The following WIPF3 variants were observed in gnomAD, a reference collection of about 807,000 sequenced individuals.
WIPF3 encodes the protein WAS/WASL-interacting protein family member 3.
A neutral mutation model predicts 38.9 loss-of-function variants in WIPF3; 33 were observed. That is an observed-to-expected ratio of 0.85 (90% CI 0.64 to 1.14). The LOEUF (loss-of-function observed/expected upper bound fraction) is 1.14. Ranked by LOEUF, WIPF3 falls within the 50% of genes most tolerant of loss-of-function variation. The probability of loss-of-function intolerance (pLI) is 0.00; values close to 1 mark genes in which losing one functional copy is unlikely to be tolerated. For synonymous variants in WIPF3, 324 were observed against 269.3 expected (o/e 1.20, Z -1.99); for missense variants, 711 against 652.5 (o/e 1.09, Z -0.98).
At chr7:29,815,035 A>G (rs1016281931) in intron 1 of WIPF3, among the ~76,000 whole-genome samples, 2 of 152,164 alleles carry the variant, frequency 1.3e-5, no homozygotes, top group African/African-American at 2.4e-5. Flanking sequence ...TAAGTCTCCG[A>G]TGTCCCTTAA....
Position 29,823,774 on chromosome 7 carries a change from T to C in WIPF3, c.-57-10894T>C, listed in dbSNP as rs1784575859. ...GTTGCTCTTGTGATGTTGAGTGAGT[T>C]CTCACGAGATCTGATTGTTTAAAAG... On this transcript the variant is annotated intron_variant, in intron 1 of 8. Transcript: ENST00000242140. The surrounding 1 kb of genome is among the most constrained non-coding windows in gnomAD (Gnocchi z 4.0). 1.3e-5 allele frequency among the ~76,000 whole-genome samples: 2 copies of C among 152,112 alleles called. No individual in the cohort carries two copies. Among genetic ancestry groups the C allele is most frequent in the Admixed American group, 1.3e-4 (2 of 15,268 alleles).
chr7:29,868,947 T>C (rs1785441400), intron 2 of WIPF3, among the ~76,000 whole-genome samples: 1 of 152,154 alleles, frequency 6.6e-6, no homozygotes, highest in Non-Finnish European at 1.5e-5. Context: ...ATGCAGAGAA[T>C]GTGCACACAC....
intron 7 of WIPF3, among the ~76,000 whole-genome samples, chr7:29,891,264 A>G (rs1430359681): frequency 2.0e-4 from 20 of 100,898 alleles, no homozygotes; most frequent in South Asian, 3.6e-4. Context: ...GCTCAGGTGG[A>G]GGGGGCGAGG....
At chr7:29,898,146 A>G (rs1282156149) in intron 7 of WIPF3, among the ~76,000 whole-genome samples, 2 of 152,158 alleles carry the variant, frequency 1.3e-5, no homozygotes, top group African/African-American at 4.8e-5. Flanking sequence ...CAGAGGCTCT[A>G]GCCTCAGCCC....
At position 29,888,189 on chromosome 7, in the gene WIPF3, A is replaced by G. The variant is rs766409168; in HGVS notation, c.1221A>G (p.Gln407=). 18 of 1,611,904 alleles carry G rather than the reference A, an allele frequency of 1.1e-5. No individual in the cohort carries two copies. In the South Asian group the frequency reaches 2.0e-4, roughly 18 times the overall value. The change falls in exon 6 of 9, where the codon CAA becomes CAG. Residue 407 remains glutamine, a synonymous_variant. Coordinates refer to ENST00000242140, the MANE Select transcript of WIPF3 (RefSeq NM_001080529.3). Reference sequence around the variant, plus strand: ...CCCCGACGCAGCAGCCTGGAGGTCAACTGCGAAATGGAAGCCTGCACATCA... The same window carrying G: ...CCCCGACGCAGCAGCCTGGAGGTCAGCTGCGAAATGGAAGCCTGCACATCA... ...AWTPTQQPGG[Q]LRNGSLHIID...
intron 7 of WIPF3, among the ~76,000 whole-genome samples, chr7:29,894,920 T>TTG (rs921321291): frequency 6.8e-5 from 3 of 43,984 alleles, no homozygotes; most frequent in South Asian, 3.4e-3. Context: ...TGTGTTGTTG[T>TTG]TTTTTTTTGT....
In WIPF3 at chr7:29,875,942, G is replaced by A. The variant is rs531200237; in HGVS notation, c.203G>A (p.Arg68His). 5.5e-5 allele frequency: 88 copies of A among 1,613,860 alleles called. No homozygotes were observed. The South Asian group carries it at 8.7e-4, about 16-fold the overall frequency. ...RLRKVTQINDRSAPQIESSKG... is the reference protein window; with the variant it reads ...RLRKVTQINDHSAPQIESSKG... ...CGCAAAGTCACGCAGATCAACGACC[G>A]CAGTGCCCCGCAGATCGAGAGTAAG... is the stretch of plus-strand genomic sequence containing the variant. The change falls in exon 3 of 9, where the codon CGC becomes CAC. Residue 68 changes from arginine to histidine, a missense_variant. By Grantham distance (29) the Arg-to-His change is conservative. Transcript: ENST00000242140.
rs565779382 is a variant in WIPF3 at position 29,878,645 on chromosome 7, A to G, written c.224-364A>G. 2.0e-5 allele frequency among the ~76,000 whole-genome samples: 3 copies of G among 151,778 alleles called. No homozygotes were observed. In the South Asian group the frequency reaches 6.3e-4, roughly 32 times the overall value. On this transcript the variant is annotated intron_variant, in intron 3 of 8. Transcript: ENST00000242140. The surrounding 1 kb of genome is among the most constrained non-coding windows in gnomAD (Gnocchi z 4.0). ...TCTAGTCCTCCATAGCCAAGTTGAA[A>G]ATAAGAGCAGCTCTACACCTACCAC...
chr7:29,880,015 A>G (rs1785683947), intron 4 of WIPF3, among the ~76,000 whole-genome samples: 1 of 152,252 alleles, frequency 6.6e-6, no homozygotes, highest in Non-Finnish European at 1.5e-5. Flanking sequence ...TTCAAAGATT[A>G]TGGAATCAAG....
chr7:29,899,449 T>C, intron 7 of WIPF3, among the ~76,000 whole-genome samples: 1 of 152,258 alleles, frequency 6.6e-6, no homozygotes, highest in African/African-American at 2.4e-5. Context: ...CAGTACAGTG[T>C]AAGGCCCTGA....
intron 2 of WIPF3, 68 bp from the exon 3 acceptor site, chr7:29,875,762 A>G (rs1192584384): frequency 6.3e-7 from 1 of 1,576,100 alleles, no homozygotes; most frequent in Non-Finnish European, 8.7e-7. Flanking sequence ...GGAGAAACTG[A>G]CAGCAGACAG....
At chr7:29,861,319 A>G (rs1401159181) in intron 2 of WIPF3, among the ~76,000 whole-genome samples, 1 of 152,134 alleles carries the variant, frequency 6.6e-6, no homozygotes, top group East Asian at 1.9e-4. Context: ...ATATGGAAGC[A>G]CTCATTTACT....
In WIPF3 at chr7:29,878,108, A is replaced by C. The variant is rs1320608554; in HGVS notation, c.224-901A>C. On this transcript the variant is annotated intron_variant, in intron 3 of 8. Transcript: ENST00000242140. This position sits in a 1 kb window ranked among gnomAD's most constrained non-coding sequence, Gnocchi z 4.0. Reference sequence around the variant, plus strand: ...GAGAAATATTTTCAACATTGAGTACATTAAAAATTAGTTTCTGGTTAAACC... The same window carrying C: ...GAGAAATATTTTCAACATTGAGTACCTTAAAAATTAGTTTCTGGTTAAACC... 1.3e-5 allele frequency among the ~76,000 whole-genome samples: 2 copies of C among 152,240 alleles called. No individual in the cohort carries two copies. Among genetic ancestry groups the C allele is most frequent in the Non-Finnish European group, 2.9e-5 (2 of 68,042 alleles).
chr7:29,844,898 C>T lies in WIPF3; in HGVS notation c.90+10084C>T, dbSNP rs1333363532. ...GCGCTAAACCAAAAGCCCTTCGATG[C>T]AGATCTTCTCAAGGATTACTTCTAC... On this transcript the variant is annotated intron_variant, in intron 2 of 8. Coordinates refer to ENST00000242140, the MANE Select transcript of WIPF3 (RefSeq NM_001080529.3). The surrounding 1 kb of genome is among the most constrained non-coding windows in gnomAD (Gnocchi z 4.8). Among the ~76,000 whole-genome samples the T allele has an allele frequency of 6.6e-6, 1 of 152,166 alleles. No individual in the cohort carries two copies. Among genetic ancestry groups the T allele is most frequent in the Non-Finnish European group, 1.5e-5 (1 of 68,026 alleles).
intron 2 of WIPF3, among the ~76,000 whole-genome samples, chr7:29,863,944 T>G (rs1307170577): frequency 6.6e-6 from 1 of 152,162 alleles, no homozygotes; most frequent in African/African-American, 2.4e-5. Flanking sequence ...GTTCTATGAG[T>G]TTTCTACATA....
At chr7:29,881,401 G>A (rs1785712899) in intron 4 of WIPF3, among the ~76,000 whole-genome samples, 2 of 152,232 alleles carry the variant, frequency 1.3e-5, no homozygotes, top group African/African-American at 2.4e-5. Flanking sequence ...GTGAATGGTA[G>A]TGTGGTGGCT....
At chr7:29,876,002 A>G in intron 3 of WIPF3, 40 bp downstream of exon 3, 1 of 1,607,368 alleles carries the variant, frequency 6.2e-7, no homozygotes, top group Non-Finnish European at 8.5e-7. Flanking sequence ...TGAGCCAAAG[A>G]CAGGACAGGC....
At chr7:29,885,655 A>G (rs1356628409) in intron 5 of WIPF3, among the ~76,000 whole-genome samples, 1 of 152,120 alleles carries the variant, frequency 6.6e-6, no homozygotes, top group East Asian at 1.9e-4. Flanking sequence ...TACAGAAAAT[A>G]AAAATAAAAA....
At chr7:29,843,919 A>G (rs1784958521) in intron 2 of WIPF3, among the ~76,000 whole-genome samples, 12 of 151,988 alleles carry the variant, frequency 7.9e-5, no homozygotes, top group Admixed American at 7.9e-4. Flanking sequence ...GCTGAGCTCC[A>G]CATCTAGTGG....
Sources: allele counts gnomAD v4.1 joint callset (sites outside exome capture counted in the v4.1 genomes callset), GRCh38; gene constraint gnomAD v4.1.1; non-coding constraint Gnocchi (gnomAD v3.1); transcripts MANE v1.5; gene names NCBI Gene and HGNC (gene_info 2026-07-23, HGNC 2026-07-21).